Variants in UGT2B7 observed in about 807,000 individuals in gnomAD.
UGT2B7 encodes the protein UDP glucuronosyltransferase family 2 member B7, also known as UDP-glucuronosyltransferase 2B7.
In UGT2B7, 51 loss-of-function variants were observed where a neutral mutation model predicts 51.9. The ratio of observed to expected loss-of-function variants is 0.98; its 90% CI spans 0.78 to 1.24. UGT2B7 has a LOEUF of 1.24. Among genes scored for constraint, UGT2B7 ranks in the 50% most tolerant of loss-of-function variants. UGT2B7 has a pLI of 0.00. For synonymous variants in UGT2B7, 225 were observed against 211.6 expected, an observed-to-expected ratio of 1.06 and a Z score of -0.55; for missense variants, 727 against 628.4, an observed-to-expected ratio of 1.16 and a Z score of -1.68.
intron 1 of UGT2B7, among the ~76,000 whole-genome samples, chr4:69,070,275 T>A (rs1718571942): frequency 6.8e-6 from 1 of 147,644 alleles, no homozygotes. Flanking sequence ...TATACTTTTA[T>A]ATATAATAAA....
At chr4:69,081,775 T>C (rs1269534263) in intron 1 of UGT2B7, among the ~76,000 whole-genome samples, 3 of 152,148 alleles carry the variant, frequency 2.0e-5, no homozygotes, top group Non-Finnish European at 4.4e-5. Context: ...TCTGGGCTTC[T>C]GATCATATTG....
intron 1 of UGT2B7, among the ~76,000 whole-genome samples, chr4:69,055,885 A>T (rs970639710): frequency 6.6e-6 from 1 of 152,236 alleles, no homozygotes; most frequent in Non-Finnish European, 1.5e-5. Context: ...AAGCTCTATA[A>T]TAGTACCACA....
At chr4:69,084,501 C>A (rs531816193) in intron 1 of UGT2B7, among the ~76,000 whole-genome samples, 59 of 151,976 alleles carry the variant, frequency 3.9e-4, no homozygotes, top group African/African-American at 1.3e-3. Context: ...GCAGAACATG[C>A]AGGTTTGATA....
upstream of UGT2B7, among the ~76,000 whole-genome samples, chr4:69,095,856 T>C (rs1289395253): frequency 1.3e-5 from 2 of 152,126 alleles, no homozygotes; most frequent in Non-Finnish European, 2.9e-5. Context: ...TACCACATAT[T>C]GTATGATTCT....
At chr4:69,059,230 T>A (rs1402293137) in intron 1 of UGT2B7, among the ~76,000 whole-genome samples, 1 of 152,194 alleles carries the variant, frequency 6.6e-6, no homozygotes, top group Non-Finnish European at 1.5e-5. Flanking sequence ...TGACCCAACC[T>A]ATAGGGCCAC....
intron 1 of UGT2B7, among the ~76,000 whole-genome samples, chr4:69,055,486 A>G (rs1718166730): frequency 6.6e-6 from 1 of 152,154 alleles, no homozygotes; most frequent in Non-Finnish European, 1.5e-5. Flanking sequence ...AAAAGACTAG[A>G]TCCTAGTGTA....
At chr4:69,066,096 G>A (rs1397960213) in intron 1 of UGT2B7, among the ~76,000 whole-genome samples, 2 of 152,028 alleles carry the variant, frequency 1.3e-5, no homozygotes, top group Non-Finnish European at 2.9e-5. Context: ...CATTTGACTA[G>A]GTGATCTCAA....
chr4:69,075,096 T>C (rs1718675357), intron 1 of UGT2B7, among the ~76,000 whole-genome samples: 1 of 152,176 alleles, frequency 6.6e-6, no homozygotes, highest in African/African-American at 2.4e-5. Flanking sequence ...TTTTAGGATT[T>C]TATTGTGTTT....
intron 1 of UGT2B7, among the ~76,000 whole-genome samples, chr4:69,065,659 C>T (rs1260075283): frequency 6.6e-6 from 1 of 152,080 alleles, no homozygotes; most frequent in African/African-American, 2.4e-5. Context: ...TAGTGTATTT[C>T]TCATACATAG....
At chr4:69,078,674 A>T (rs1259899914) in intron 1 of UGT2B7, among the ~76,000 whole-genome samples, 1 of 152,138 alleles carries the variant, frequency 6.6e-6, no homozygotes, top group Non-Finnish European at 1.5e-5. Flanking sequence ...GTTGGCACAC[A>T]AAACCATACC....
intron 5 of UGT2B7, among the ~76,000 whole-genome samples, chr4:69,109,323 A>C (rs935989528): frequency 6.6e-6 from 1 of 152,156 alleles, no homozygotes; most frequent in African/African-American, 2.4e-5. Flanking sequence ...ACTGTCTTCC[A>C]AAGTACTTGT....
At chr4:69,076,241 T>C (rs1160152519) in intron 1 of UGT2B7, among the ~76,000 whole-genome samples, 1 of 152,192 alleles carries the variant, frequency 6.6e-6, no homozygotes, top group Non-Finnish European at 1.5e-5. Flanking sequence ...AATAAACATA[T>C]ATGTGCATGT....
At chr4:69,111,510 C>T (rs1457348502) in intron 5 of UGT2B7, among the ~76,000 whole-genome samples, 4 of 152,098 alleles carry the variant, frequency 2.6e-5, no homozygotes, top group African/African-American at 9.7e-5. Flanking sequence ...TCTCATAGCA[C>T]TTAAAAGGGC....
chr4:69,064,230 C>T (rs1560499869), intron 1 of UGT2B7, among the ~76,000 whole-genome samples: 1 of 152,198 alleles, frequency 6.6e-6, no homozygotes, highest in Non-Finnish European at 1.5e-5. Flanking sequence ...AGGGAAAGTC[C>T]TGATACTACT....
chr4:69,078,862 C>T (rs1235670430), intron 1 of UGT2B7, among the ~76,000 whole-genome samples: 1 of 152,046 alleles, frequency 6.6e-6, no homozygotes, highest in Admixed American at 6.6e-5. Context: ...GAGTCTGCAC[C>T]GCCTGGTGAC....
intron 1 of UGT2B7, among the ~76,000 whole-genome samples, chr4:69,067,882 G>T (rs1410540916): frequency 6.6e-6 from 1 of 152,010 alleles, no homozygotes; most frequent in South Asian, 2.1e-4. Context: ...ACTAAAGATG[G>T]TAACAGAAGG....
intron 1 of UGT2B7, among the ~76,000 whole-genome samples, chr4:69,072,767 A>C (rs1348925440): frequency 6.6e-6 from 1 of 152,110 alleles, no homozygotes; most frequent in Non-Finnish European, 1.5e-5. Context: ...CTAGCTGGCA[A>C]AGGAGGAATA....
At chr4:69,098,443 G>C (rs1719310898) in intron 1 of UGT2B7, 97 bp from the exon 2 acceptor site, 5 of 1,380,108 alleles carry the variant, frequency 3.6e-6, no homozygotes, top group Non-Finnish European at 3.9e-6. Context: ...ACAGATATTT[G>C]CCTACATTTT....
rs143426666 is a variant in UGT2B7 at position 69,090,620 on chromosome 4, G to T, written c.-27+1017G>T. Among the ~76,000 whole-genome samples, 1,294 of 152,216 alleles carry T rather than the reference G, an allele frequency of 8.5e-3. 12 individuals carry two copies. The highest frequency in any genetic ancestry group is 0.029 in the African/African-American group (1,222 of 41,560). Reference sequence around the variant, plus strand: ...AAGCATGGAAAAGACTCATCCCCATGATTCAATTACCTCCATCAAGTCCCT... The same window carrying T: ...AAGCATGGAAAAGACTCATCCCCATTATTCAATTACCTCCATCAAGTCCCT... On this transcript the variant is annotated intron_variant, in intron 2 of 5. Transcript: ENST00000502942.
Sources: allele counts gnomAD v4.1 joint callset (sites outside exome capture counted in the v4.1 genomes callset), GRCh38; gene constraint gnomAD v4.1.1; transcripts MANE v1.5; gene names NCBI Gene and HGNC (gene_info 2026-07-23, HGNC 2026-07-21).